ATP13A4: variants seen among roughly 807,000 people sequenced by gnomAD.
ATP13A4 encodes probable cation-transporting ATPase 13A4.
Under a neutral mutation model 142.5 loss-of-function variants are expected in ATP13A4, and 114 were observed. The observed-to-expected ratio is 0.80, with a 90% CI of 0.69 to 0.93. The LOEUF is 0.93. ATP13A4 is among the 40% of genes least tolerant of loss of function. The pLI, the probability that ATP13A4 is intolerant of heterozygous loss-of-function variation, is 0.00. For synonymous variants in ATP13A4, 488 were observed against 514.8 expected (o/e 0.95, Z 0.70); for missense variants, 1,392 against 1,454.0 (o/e 0.96, Z 0.69).
chr3:193,514,675 G>GT (rs752028420), intron 2 of ATP13A4, 23 bp downstream of exon 2: 3 of 1,594,006 alleles, frequency 1.9e-6, no homozygotes, highest in East Asian at 2.6e-5. Context: ...GGGCACCAGC[G>GT]ACATAACCAG....
chr3:193,554,368 C>T, intron 1 of ATP13A4: 2 of 331,490 alleles, frequency 6.0e-6, no homozygotes, highest in Non-Finnish European at 1.2e-5. Flanking sequence ...AGGGAATACA[C>T]TGCTCCTCAC....
In ATP13A4 at chr3:193,560,018, T is replaced by C. The variant is rs536795692; in HGVS notation, n.291+21689A>G. Among the ~76,000 whole-genome samples the C allele has an allele frequency of 4.2e-4, 64 of 152,176 alleles. 1 individual carries two copies. The South Asian group carries it at 0.013, about 31-fold the overall frequency. ...ATTTGAATATACAAAACAATACAAG[T>C]TATGGTGCTATTATTAACAATCAGA... On this transcript the variant is annotated intron_variant and non_coding_transcript_variant, in intron 2 of 3. Transcript: ENST00000489140.
intron 28 of ATP13A4, among the ~76,000 whole-genome samples, chr3:193,410,022 A>T (rs1278615408): frequency 6.6e-6 from 1 of 152,222 alleles, no homozygotes; most frequent in Admixed American, 6.5e-5. Flanking sequence ...CATCTCTTCA[A>T]TATTGCATTT....
chr3:193,548,983 A>G (rs1320819664), intron 1 of ATP13A4, among the ~76,000 whole-genome samples: 1 of 152,220 alleles, frequency 6.6e-6, no homozygotes, highest in Non-Finnish European at 1.5e-5. Flanking sequence ...AGATGTGTTC[A>G]ACTTCAAATC....
rs562912242 is a variant in ATP13A4 at position 193,433,115 on chromosome 3, G to C, written c.2842+730C>G. On this transcript the variant is annotated intron_variant, in intron 25 of 29. Transcript: ENST00000342695. ...GAATGTTGGTTGAGATTTTCCTTTA[G>C]CTGAGCTAGTAAGACAAAAGCAAAA... 5.3e-5 allele frequency among the ~76,000 whole-genome samples: 8 copies of C among 152,244 alleles called. No individual in the cohort carries two copies. The East Asian group carries it at 1.5e-3, about 29-fold the overall frequency.
chr3:193,409,228 C>G (rs1244407498), intron 28 of ATP13A4, among the ~76,000 whole-genome samples: 1 of 151,884 alleles, frequency 6.6e-6, no homozygotes, highest in Non-Finnish European at 1.5e-5. Context: ...TTAAAAAAAA[C>G]TAAAAATTAA....
upstream of ATP13A4, among the ~76,000 whole-genome samples, chr3:193,558,609 G>C (rs572473371): frequency 6.6e-6 from 1 of 152,294 alleles, no homozygotes; most frequent in South Asian, 2.1e-4. Flanking sequence ...CAAGTAGGGA[G>C]TTAGGCCAGG....
At chr3:193,467,851 C>T (rs1718393395) in intron 9 of ATP13A4, among the ~76,000 whole-genome samples, 1 of 152,074 alleles carries the variant, frequency 6.6e-6, no homozygotes, top group Admixed American at 6.6e-5. Flanking sequence ...GGAGCCAAAG[C>T]ATGGAGAACC....
intron 25 of ATP13A4, among the ~76,000 whole-genome samples, chr3:193,415,364 G>T (rs937504153): frequency 1.3e-5 from 2 of 152,074 alleles, no homozygotes; most frequent in African/African-American, 4.8e-5. Context: ...AATACAAGCA[G>T]AAACTGTCAG....
intron 20 of ATP13A4, 113 bp downstream of exon 20, chr3:193,441,353 A>G (rs929175418): frequency 1.1e-4 from 140 of 1,322,276 alleles, no homozygotes; most frequent in Non-Finnish European, 1.5e-4. Context: ...AGATACAGAA[A>G]ACTCACTGAG....
intron 1 of ATP13A4, among the ~76,000 whole-genome samples, chr3:193,588,339 AC>A (rs1724704273): frequency 1.3e-5 from 2 of 152,242 alleles, no homozygotes; most frequent in South Asian, 4.2e-4. Context: ...ACCCATTCAC[AC>A]TTCAGCACCA....
intron 1 of ATP13A4, among the ~76,000 whole-genome samples, chr3:193,589,035 G>A (rs1724716384): frequency 6.6e-6 from 1 of 152,108 alleles, no homozygotes; most frequent in East Asian, 1.9e-4. Flanking sequence ...AGCTACTCAG[G>A]AGACTGAGGC....
intron 1 of ATP13A4, among the ~76,000 whole-genome samples, chr3:193,534,567 C>T (rs1722495076): frequency 6.6e-6 from 1 of 151,900 alleles, no homozygotes; most frequent in African/African-American, 2.4e-5. Flanking sequence ...CTAAATAATA[C>T]ACTACCTGAA....
chr3:193,467,533 C>T lies in ATP13A4; in HGVS notation c.944-47G>A, dbSNP rs1718374411. On this transcript the variant is annotated intron_variant, in intron 9 of 29. Coordinates refer to ENST00000342695, the MANE Select transcript of ATP13A4 (RefSeq NM_032279.4). ...TTTTGTGAGGCAGGATGGCTTCCCT[C>T]ATTTAAATCATGCCTGCACCCACTC... 3.2e-6 allele frequency: 5 copies of T among 1,572,682 alleles called. No individual in the cohort carries two copies. The East Asian group carries it at 1.1e-4, about 35-fold the overall frequency.
At chr3:193,589,242 G>C (rs1724721380) in intron 1 of ATP13A4, among the ~76,000 whole-genome samples, 2 of 151,984 alleles carry the variant, frequency 1.3e-5, no homozygotes, top group Non-Finnish European at 1.5e-5. Flanking sequence ...TCCTCGACTA[G>C]GGTTCATAGG....
chr3:193,575,543 G>A (rs952668330), intron 2 of ATP13A4, among the ~76,000 whole-genome samples: 5 of 152,062 alleles, frequency 3.3e-5, no homozygotes, highest in Non-Finnish European at 5.9e-5. Context: ...ACGTGGCCAG[G>A]GAACAGAGAT....
chr3:193,403,342 C>A (rs372022631), intron 29 of ATP13A4, among the ~76,000 whole-genome samples: 2 of 152,126 alleles, frequency 1.3e-5, no homozygotes, highest in East Asian at 3.8e-4. Flanking sequence ...TAATTTCACA[C>A]GGGCCAGTCT....
intron 1 of ATP13A4, among the ~76,000 whole-genome samples, chr3:193,524,269 A>G (rs1013505251): frequency 6.6e-5 from 10 of 152,158 alleles, no homozygotes; most frequent in Admixed American, 6.5e-4. Flanking sequence ...AGTGTGGGTA[A>G]CCTGGGAACC....
intron 2 of ATP13A4, among the ~76,000 whole-genome samples, chr3:193,579,674 C>T (rs375395746): frequency 3.2e-4 from 48 of 152,120 alleles, no homozygotes; most frequent in African/African-American, 1.1e-3. Flanking sequence ...CATTTCTATG[C>T]CAGCCCTTAC....
Sources: allele counts gnomAD v4.1 joint callset (sites outside exome capture counted in the v4.1 genomes callset), GRCh38; gene constraint gnomAD v4.1.1; transcripts MANE v1.5; gene names NCBI Gene and HGNC (gene_info 2026-07-23, HGNC 2026-07-21).